Variants in SUCLG1 observed in about 807,000 individuals in gnomAD.
SUCLG1 encodes the protein succinate--CoA ligase [ADP/GDP-forming] subunit alpha, mitochondrial.
Under a neutral mutation model 37.3 loss-of-function variants are expected in SUCLG1, and 26 were observed. That is an observed-to-expected ratio of 0.70 (90% CI 0.51 to 0.97). SUCLG1 has a LOEUF of 0.97. Among genes scored for constraint, SUCLG1 ranks in the 50% least tolerant of loss-of-function variants. SUCLG1 has a pLI of 0.00. For missense variants in SUCLG1, 433 were observed against 432.9 expected (o/e 1.00, Z 0.00); for synonymous variants, 163 against 155.6 (o/e 1.05, Z -0.36).
chr2:84,429,249 T>C (rs1330538489), intron 7 of SUCLG1, among the ~76,000 whole-genome samples: 1 of 152,104 alleles, frequency 6.6e-6, no homozygotes, highest in Non-Finnish European at 1.5e-5. Context: ...TGAAACAAAA[T>C]GTCTATGTTT....
chr2:84,450,969 A>C (rs1293414862), intron 1 of SUCLG1, among the ~76,000 whole-genome samples: 1 of 152,216 alleles, frequency 6.6e-6, no homozygotes, highest in Non-Finnish European at 1.5e-5. Flanking sequence ...ACTGTGCTCA[A>C]CAAGGGGCCA....
intron 2 of SUCLG1, among the ~76,000 whole-genome samples, chr2:84,445,107 G>T (rs1465975290): frequency 6.6e-6 from 1 of 152,186 alleles, no homozygotes; most frequent in Non-Finnish European, 1.5e-5. Flanking sequence ...ACAGGCATAG[G>T]AAATCACAAG....
intron 1 of SUCLG1, among the ~76,000 whole-genome samples, chr2:84,455,618 A>G (rs1037857): frequency 0.97 from 146,835 of 152,124 alleles, 70,912 homozygotes; most frequent in East Asian, 1. Context: ...GGCGGATCAC[A>G]ATGTCAGGAG....
intron 8 of SUCLG1, 24 bp downstream of exon 8, chr2:84,425,391 A>G: frequency 6.2e-7 from 1 of 1,613,922 alleles, no homozygotes; most frequent in Non-Finnish European, 8.5e-7. Context: ...ACCTCAGAGC[A>G]CCTGGGCCAC....
intron 1 of SUCLG1, among the ~76,000 whole-genome samples, chr2:84,454,331 G>A: frequency 6.6e-6 from 1 of 152,226 alleles, no homozygotes; most frequent in Non-Finnish European, 1.5e-5. Context: ...TAAAGGCGCA[G>A]CCCTCACTGT....
intron 1 of SUCLG1, among the ~76,000 whole-genome samples, chr2:84,450,218 G>A (rs1672919705): frequency 6.6e-6 from 1 of 151,910 alleles, no homozygotes; most frequent in African/African-American, 2.4e-5. Context: ...AACTTTGTCA[G>A]GAATACAAGT....
chr2:84,431,758 C>A (rs1221677058), intron 6 of SUCLG1, 99 bp from the exon 7 acceptor site: 2 of 1,242,562 alleles, frequency 1.6e-6, no homozygotes, highest in African/African-American at 3.0e-5. Flanking sequence ...TTTTCTTACC[C>A]TTCTCTCTTA....
chr2:84,451,270 C>G (rs909724199), intron 1 of SUCLG1, among the ~76,000 whole-genome samples: 1 of 150,914 alleles, frequency 6.6e-6, no homozygotes, highest in African/African-American at 2.5e-5. Context: ...GCATCTTCAA[C>G]AAATGCTCAT....
Position 84,443,353 on chromosome 2 carries a change from A to G in SUCLG1, c.249T>C (p.Val83=). The change falls in exon 3 of 9, where the codon GTT becomes GTC. Residue 83 remains valine, a synonymous_variant. Transcript: ENST00000393868. ...QQALEYGTKL[V]GGTTPGKGGQ... is the part of the protein sequence containing the mutation. ...CTCCTTTCCCTGGAGTGGTTCCTCC[A>G]ACGAGTTTGGTGCCATATTCCAATG... 6.2e-7 allele frequency: 1 copy of G among 1,614,188 alleles called. No homozygotes were observed. The highest frequency in any genetic ancestry group is 1.3e-5 in the African/African-American group (1 of 75,068).
intron 1 of SUCLG1, among the ~76,000 whole-genome samples, chr2:84,451,245 C>T (rs966384025): frequency 6.6e-6 from 1 of 152,184 alleles, no homozygotes; most frequent in African/African-American, 2.4e-5. Context: ...ATTGGCTTTA[C>T]CAGTCCCTCC....
chr2:84,455,700 G>A (rs1354610749), intron 1 of SUCLG1, among the ~76,000 whole-genome samples: 39 of 152,108 alleles, frequency 2.6e-4, no homozygotes, highest in Admixed American at 2.5e-3. Context: ...GCCAGGTGTG[G>A]TGGCGGGTGC....
At position 84,425,576 on chromosome 2, in the gene SUCLG1, A is replaced by C; in HGVS notation, c.853T>G (p.Phe285Val). The C allele has an allele frequency of 1.2e-6, 2 of 1,614,226 alleles. No homozygotes were observed. The highest frequency in any genetic ancestry group is 1.7e-6 in the Non-Finnish European group (2 of 1,180,030). Residue 285 changes from phenylalanine (F) to valine (V), a missense_variant, in exon 8 of 9, where the codon TTC (phenylalanine) becomes GTC (valine). Physicochemically the swap from Phe to Val is conservative, Grantham distance 50. Coordinates refer to ENST00000393868, the MANE Select transcript of SUCLG1 (RefSeq NM_003849.4). ...GGAGGAGCAGTTAAACCAGCAATGAAGGACACTACAGGCTTGGAATTTGGA... is the reference window on the plus strand; with the variant it reads ...GGAGGAGCAGTTAAACCAGCAATGACGGACACTACAGGCTTGGAATTTGGA... ...SGPNSKPVVS[F>V]IAGLTAPPGR...
chr2:84,438,083 C>T (rs1401505392), intron 5 of SUCLG1, among the ~76,000 whole-genome samples: 3 of 152,118 alleles, frequency 2.0e-5, no homozygotes, highest in Non-Finnish European at 2.9e-5. Flanking sequence ...AGGCACGTGA[C>T]TAGAAAAGGG....
chr2:84,430,684 TAGAG>T, intron 7 of SUCLG1, among the ~76,000 whole-genome samples: 1 of 152,300 alleles, frequency 6.6e-6, no homozygotes, highest in East Asian at 1.9e-4. Flanking sequence ...TTCATACATA[TAGAG>T]AGAAAGTGAT....
At chr2:84,448,794 T>G (rs1672889672) in intron 2 of SUCLG1, 1 of 173,960 alleles carries the variant, frequency 5.7e-6, no homozygotes, top group Non-Finnish European at 1.3e-5. Flanking sequence ...TATAGAAATA[T>G]GGATTGTATA....
intron 5 of SUCLG1, among the ~76,000 whole-genome samples, chr2:84,435,450 T>A (rs542569320): frequency 6.6e-6 from 1 of 152,206 alleles, no homozygotes; most frequent in Non-Finnish European, 1.5e-5. Flanking sequence ...GGTTCACTAT[T>A]AGCCCTAATG....
At chr2:84,439,019 T>C (rs1672730065) in intron 5 of SUCLG1, among the ~76,000 whole-genome samples, 1 of 152,124 alleles carries the variant, frequency 6.6e-6, no homozygotes, top group Non-Finnish European at 1.5e-5. Flanking sequence ...GGTTTGCTCT[T>C]TCACTCTTCA....
At chr2:84,433,940 T>C (rs1377773355) in intron 5 of SUCLG1, among the ~76,000 whole-genome samples, 2 of 152,126 alleles carry the variant, frequency 1.3e-5, no homozygotes, top group Non-Finnish European at 2.9e-5. Flanking sequence ...CTTAGTGACC[T>C]CTCCATGGTA....
chr2:84,446,393 T>C (rs1672852745), intron 2 of SUCLG1, among the ~76,000 whole-genome samples: 1 of 152,142 alleles, frequency 6.6e-6, no homozygotes, highest in Admixed American at 6.5e-5. Context: ...TGTTGAAAAA[T>C]GAACGAATCT....
Sources: gnomAD v4.1 joint callset for allele counts (sites outside exome capture counted in the v4.1 genomes callset) on GRCh38, gnomAD v4.1.1 for gene constraint, MANE v1.5 for transcripts, NCBI Gene and HGNC (gene_info 2026-07-23, HGNC 2026-07-21) for gene names.